Variants in EPHA6 observed in about 807,000 individuals in gnomAD.
EPHA6 encodes the protein EPH receptor A6.
EPHA6 carries 50 observed loss-of-function variants against 112.0 expected under a neutral mutation model. That is an observed-to-expected ratio of 0.45 (90% CI 0.36 to 0.56). The LOEUF is 0.56. Among genes scored for constraint, EPHA6 ranks in the 20% least tolerant of loss-of-function variants. The pLI is 0.00. For missense variants in EPHA6, 1,280 were observed against 1,417.4 expected (o/e 0.90, Z 1.56); for synonymous variants, 529 against 490.7 (o/e 1.08, Z -1.03).
chr3:97,042,988 CAG>C (rs962326602), intron 3 of EPHA6, among the ~76,000 whole-genome samples: 2 of 152,148 alleles, frequency 1.3e-5, no homozygotes, highest in Non-Finnish European at 2.9e-5. Context: ...GCCTTAATAA[CAG>C]AGTGGCAAAG....
chr3:97,593,107 G>T (rs2093559724), intron 12 of EPHA6, among the ~76,000 whole-genome samples: 1 of 152,058 alleles, frequency 6.6e-6, no homozygotes, highest in Admixed American at 6.5e-5. Context: ...GTTCTTGGCA[G>T]AAAGAGTAAT....
At chr3:97,643,104 C>T (rs960687277) in intron 14 of EPHA6, among the ~76,000 whole-genome samples, 109 of 152,272 alleles carry the variant, frequency 7.2e-4, no homozygotes, top group Non-Finnish European at 1.4e-3. Context: ...CGGCAGAAAC[C>T]CTGCAAGCCA....
chr3:97,117,474 G>C (rs75398658), intron 3 of EPHA6, among the ~76,000 whole-genome samples: 1 of 151,304 alleles, frequency 6.6e-6, no homozygotes, highest in Non-Finnish European at 1.5e-5. Context: ...TCTTTATTTC[G>C]CTTTGAGTCG....
intron 3 of EPHA6, among the ~76,000 whole-genome samples, chr3:97,115,816 T>G (rs1470382653): frequency 6.6e-6 from 1 of 151,822 alleles, no homozygotes; most frequent in African/African-American, 2.4e-5. Flanking sequence ...GATGTCGGAG[T>G]TAAGAATATT....
chr3:96,959,653 A>G (rs1421992263), intron 2 of EPHA6, among the ~76,000 whole-genome samples: 2 of 151,898 alleles, frequency 1.3e-5, no homozygotes, highest in Non-Finnish European at 2.9e-5. Flanking sequence ...TCTATGAACC[A>G]TTTTTCATTA....
At chr3:97,473,958 C>T (rs2091299770) in intron 7 of EPHA6, among the ~76,000 whole-genome samples, 3 of 151,842 alleles carry the variant, frequency 2.0e-5, no homozygotes, top group African/African-American at 7.2e-5. Flanking sequence ...ATACATTTCT[C>T]TTACTGAAAA....
At chr3:97,583,945 C>T (rs2093465037) in intron 11 of EPHA6, among the ~76,000 whole-genome samples, 1 of 152,138 alleles carries the variant, frequency 6.6e-6, no homozygotes, top group African/African-American at 2.4e-5. Flanking sequence ...TCCATCACTT[C>T]TTAGATAAAA....
intron 1 of EPHA6, among the ~76,000 whole-genome samples, chr3:96,816,784 AAT>A (rs2032821701): frequency 6.6e-6 from 1 of 152,158 alleles, no homozygotes; most frequent in African/African-American, 2.4e-5. Flanking sequence ...ATTCTGCCAA[AAT>A]ATGTCCTGTT....
intron 1 of EPHA6, 100 bp from the exon 2 acceptor site, chr3:96,866,725 G>T (rs2036335308): frequency 3.4e-6 from 2 of 594,130 alleles, no homozygotes; most frequent in Non-Finnish European, 5.6e-6. Flanking sequence ...AATAGTAAGT[G>T]TAATTGACAT....
intron 3 of EPHA6, among the ~76,000 whole-genome samples, chr3:97,037,744 G>A (rs2045159128): frequency 6.6e-6 from 1 of 152,040 alleles, no homozygotes; most frequent in South Asian, 2.1e-4. Flanking sequence ...CGTCATACTG[G>A]ACAGAATAAA....
intron 2 of EPHA6, among the ~76,000 whole-genome samples, chr3:96,928,586 T>C (rs1211096688): frequency 1.3e-5 from 2 of 152,198 alleles, no homozygotes; most frequent in Non-Finnish European, 2.9e-5. Flanking sequence ...GAGAAGAATG[T>C]ATATTCTGTT....
intron 3 of EPHA6, among the ~76,000 whole-genome samples, chr3:96,999,699 A>G (rs966317998): frequency 6.6e-6 from 1 of 151,862 alleles, no homozygotes; most frequent in Non-Finnish European, 1.5e-5. Context: ...AAATATAGAT[A>G]TTGATCCTCA....
At chr3:96,825,403 A>G (rs1315497721) in intron 1 of EPHA6, among the ~76,000 whole-genome samples, 1 of 151,826 alleles carries the variant, frequency 6.6e-6, no homozygotes, top group Non-Finnish European at 1.5e-5. Flanking sequence ...TTACCTTTAG[A>G]TGAACATAAA....
At chr3:97,209,730 T>C (rs2077815409) in intron 3 of EPHA6, among the ~76,000 whole-genome samples, 1 of 152,198 alleles carries the variant, frequency 6.6e-6, no homozygotes, top group South Asian at 2.1e-4. Context: ...ATTGTCAGAT[T>C]GAAAAATAGA....
chr3:97,339,665 G>A (rs761746287), intron 5 of EPHA6, among the ~76,000 whole-genome samples: 4 of 152,122 alleles, frequency 2.6e-5, no homozygotes, highest in Non-Finnish European at 5.9e-5. Flanking sequence ...ATATAAGAAA[G>A]GCTTTTCACA....
chr3:97,123,988 T>C (rs965823465), intron 3 of EPHA6, among the ~76,000 whole-genome samples: 9 of 152,006 alleles, frequency 5.9e-5, no homozygotes, highest in Non-Finnish European at 1.2e-4. Flanking sequence ...TCTAAATCCA[T>C]GAGAACCAGC....
chr3:97,714,422 C>A (rs1279034965), intron 14 of EPHA6, among the ~76,000 whole-genome samples: 1 of 152,092 alleles, frequency 6.6e-6, no homozygotes, highest in Non-Finnish European at 1.5e-5. Flanking sequence ...TTCCATATTT[C>A]AGAAAAGGAC....
intron 11 of EPHA6, among the ~76,000 whole-genome samples, chr3:97,544,148 G>A (rs2092910050): frequency 6.6e-6 from 1 of 152,156 alleles, no homozygotes; most frequent in Non-Finnish European, 1.5e-5. Context: ...AGTGGTGAGA[G>A]AAGGCATCCC....
intron 3 of EPHA6, among the ~76,000 whole-genome samples, chr3:97,225,692 A>G (rs908416389): frequency 1.3e-5 from 2 of 152,330 alleles, no homozygotes; most frequent in Middle Eastern, 3.4e-3. Context: ...TTGAATTACT[A>G]GATCATTTAT....
Sources: gnomAD v4.1 joint callset for allele counts (sites outside exome capture counted in the v4.1 genomes callset) on GRCh38, gnomAD v4.1.1 for gene constraint, MANE v1.5 for transcripts, NCBI Gene and HGNC (gene_info 2026-07-23, HGNC 2026-07-21) for gene names.